The following NALF1 variants were observed in gnomAD, a reference collection of about 807,000 sequenced individuals.
NALF1 encodes NALCN channel auxiliary factor 1, also known as family with sequence similarity 155 member A.
A neutral mutation model predicts 48.4 loss-of-function variants in NALF1; 3 were observed. The ratio of observed to expected loss-of-function variants is 0.06; its 90% CI spans 0.03 to 0.16. NALF1 has a LOEUF of 0.16. NALF1 is among the 10% of genes least tolerant of loss of function. The pLI is 1.00. For synonymous variants in NALF1, 262 were observed against 245.7 expected, an observed-to-expected ratio of 1.07 and a Z score of -0.62; for missense variants, 526 against 571.5, an observed-to-expected ratio of 0.92 and a Z score of 0.81.
At chr13:107,329,928 G>A (rs952241283) in intron 1 of NALF1, among the ~76,000 whole-genome samples, 1 of 152,048 alleles carries the variant, frequency 6.6e-6, no homozygotes, top group Non-Finnish European at 1.5e-5. Context: ...AACTTTAGAC[G>A]ATTTCTGTCC....
chr13:107,333,649 G>A (rs1481446106), intron 1 of NALF1, among the ~76,000 whole-genome samples: 4 of 152,188 alleles, frequency 2.6e-5, no homozygotes, highest in African/African-American at 9.7e-5. Flanking sequence ...AGAATTGGCT[G>A]GATCTGGAAA....
chr13:107,427,367 A>G lies in NALF1; in HGVS notation c.916-216612T>C, dbSNP rs146434786. On this transcript the variant is annotated intron_variant, in intron 1 of 2. Transcript: ENST00000375915. ...TACTTTTTGTCTCTAGAGTATAATA[A>G]CAGAACTTCAATTTTTTAAAGTAGT... Among the ~76,000 whole-genome samples the G allele has an allele frequency of 3.8e-3, 580 of 152,206 alleles. 3 individuals carry two copies. The highest frequency in any genetic ancestry group is 0.013 in the African/African-American group (529 of 41,576).
intron 1 of NALF1, among the ~76,000 whole-genome samples, chr13:107,625,762 C>A (rs1380922704): frequency 6.6e-6 from 1 of 152,062 alleles, no homozygotes; most frequent in Non-Finnish European, 1.5e-5. Flanking sequence ...TAGACTGGAG[C>A]TACACTACAC....
At chr13:107,397,972 T>C (rs1329989279) in intron 1 of NALF1, among the ~76,000 whole-genome samples, 2 of 152,196 alleles carry the variant, frequency 1.3e-5, no homozygotes, top group Non-Finnish European at 2.9e-5. Context: ...TTAATCATGG[T>C]ACAGATGAAC....
At chr13:107,441,681 A>G (rs1484115417) in intron 1 of NALF1, among the ~76,000 whole-genome samples, 1 of 152,200 alleles carries the variant, frequency 6.6e-6, no homozygotes, top group African/African-American at 2.4e-5. Context: ...GGTTAACAGG[A>G]AGTTACACAT....
chr13:107,491,687 T>C (rs1875118207), intron 1 of NALF1, among the ~76,000 whole-genome samples: 1 of 152,178 alleles, frequency 6.6e-6, no homozygotes, highest in South Asian at 2.1e-4. Flanking sequence ...CCATATTTAA[T>C]GTCTTGTTTG....
chr13:107,637,994 A>T (rs1214198152), intron 1 of NALF1, among the ~76,000 whole-genome samples: 1 of 151,708 alleles, frequency 6.6e-6, no homozygotes, highest in African/African-American at 2.4e-5. Context: ...AACTCAACAG[A>T]TTTGGTTTTA....
intron 1 of NALF1, among the ~76,000 whole-genome samples, chr13:107,443,377 A>G (rs1452353507): frequency 6.6e-6 from 1 of 151,926 alleles, no homozygotes; most frequent in Non-Finnish European, 1.5e-5. Context: ...CATCACACCC[A>G]GTTAATTTTT....
chr13:107,446,719 C>G (rs1235303056), intron 1 of NALF1, among the ~76,000 whole-genome samples: 1 of 152,158 alleles, frequency 6.6e-6, no homozygotes, highest in African/African-American at 2.4e-5. Context: ...ATAAAGACAT[C>G]TCTGAGAGAA....
chr13:107,273,264 C>T (rs1380961216), intron 1 of NALF1, among the ~76,000 whole-genome samples: 1 of 152,176 alleles, frequency 6.6e-6, no homozygotes, highest in African/African-American at 2.4e-5. Context: ...TTTTGTCCTC[C>T]TATTTCTCCA....
intron 2 of NALF1, among the ~76,000 whole-genome samples, chr13:107,196,364 A>C (rs2138789438): frequency 6.6e-6 from 1 of 152,334 alleles, no homozygotes; most frequent in Non-Finnish European, 1.5e-5. Context: ...GTAATGAGAA[A>C]GTTACTCCAA....
chr13:107,464,772 G>A (rs577762505), intron 1 of NALF1, among the ~76,000 whole-genome samples: 3 of 151,996 alleles, frequency 2.0e-5, no homozygotes, highest in East Asian at 1.9e-4. Context: ...TGCCCGCCTC[G>A]GCCTCCCAAA....
chr13:107,221,200 G>A (rs1324367565), intron 1 of NALF1, among the ~76,000 whole-genome samples: 3 of 152,010 alleles, frequency 2.0e-5, no homozygotes, highest in Admixed American at 6.6e-5. Context: ...TCAGGTGACC[G>A]GTGCACTAAA....
chr13:107,329,814 T>A (rs1335746932), intron 1 of NALF1, among the ~76,000 whole-genome samples: 1 of 152,142 alleles, frequency 6.6e-6, no homozygotes, highest in Non-Finnish European at 1.5e-5. Flanking sequence ...TTCATCCATG[T>A]CCCTACAAAA....
At chr13:107,521,411 G>A (rs995260667) in intron 1 of NALF1, among the ~76,000 whole-genome samples, 6 of 151,972 alleles carry the variant, frequency 3.9e-5, no homozygotes, top group African/African-American at 9.7e-5. Flanking sequence ...TTTTTCCCCC[G>A]ATCTCTACTT....
At chr13:107,494,758 A>C (rs1194544948) in intron 1 of NALF1, among the ~76,000 whole-genome samples, 1 of 152,202 alleles carries the variant, frequency 6.6e-6, no homozygotes, top group Non-Finnish European at 1.5e-5. Context: ...AATGACCCAG[A>C]TATCTCTGTA....
chr13:107,463,312 A>G (rs1594076012), intron 1 of NALF1, among the ~76,000 whole-genome samples: 2 of 152,230 alleles, frequency 1.3e-5, no homozygotes, highest in South Asian at 4.1e-4. Context: ...GTTCCAAGCT[A>G]TGTCTGTTAG....
At chr13:107,572,475 A>C (rs1878016372) in intron 1 of NALF1, among the ~76,000 whole-genome samples, 1 of 152,152 alleles carries the variant, frequency 6.6e-6, no homozygotes, top group African/African-American at 2.4e-5. Context: ...GGGCTCAAAA[A>C]AACTGTCACA....
chr13:107,640,942 A>G (rs1015225601), intron 1 of NALF1, among the ~76,000 whole-genome samples: 42 of 152,216 alleles, frequency 2.8e-4, no homozygotes, highest in Non-Finnish European at 5.9e-5. Flanking sequence ...GTATACACAC[A>G]AAATAAAGGA....
Sources: allele counts gnomAD v4.1 joint callset (sites outside exome capture counted in the v4.1 genomes callset), GRCh38; gene constraint gnomAD v4.1.1; transcripts MANE v1.5; gene names NCBI Gene and HGNC (gene_info 2026-07-23, HGNC 2026-07-21).